Variants in PCDHGB1 observed in about 807,000 individuals in gnomAD.
PCDHGB1 encodes protocadherin gamma subfamily B, 1, also known as protocadherin gamma-B1.
Under a neutral mutation model 56.6 loss-of-function variants are expected in PCDHGB1, and 34 were observed. The observed-to-expected ratio is 0.60, with a 90% CI of 0.46 to 0.80. The LOEUF (loss-of-function observed/expected upper bound fraction) is 0.80, where lower values mean the gene tolerates loss of function less well. Ranked by LOEUF, PCDHGB1 falls within the 30% of genes least tolerant of loss-of-function variation. The pLI is 0.00. For missense variants in PCDHGB1, 1,278 were observed against 1,204.6 expected (o/e 1.06, Z -0.90); for synonymous variants, 561 against 505.9 (o/e 1.11, Z -1.46).
intron 2 of PCDHGB1, among the ~76,000 whole-genome samples, chr5:141,501,026 G>A (rs1053442173): frequency 7.9e-5 from 12 of 151,608 alleles, no homozygotes; most frequent in Non-Finnish European, 1.5e-4. Flanking sequence ...GCGCCACCAC[G>A]CCCAGCTAAT....
At position 141,400,119 on chromosome 5, in the gene PCDHGB1, G is replaced by A. The variant is rs543287685; in HGVS notation, c.2409+47450G>A. ...TGCACTTGGTCTTTGCTGACAGCTTGCAGGAGGTGCTGCCGGATATCACTG... is the reference window on the plus strand; with the variant it reads ...TGCACTTGGTCTTTGCTGACAGCTTACAGGAGGTGCTGCCGGATATCACTG... On this transcript the variant is annotated intron_variant, in intron 1 of 3. Transcript: ENST00000523390. 3 of 1,614,076 alleles carry A rather than the reference G, an allele frequency of 1.9e-6. No individual in the cohort carries two copies. The Admixed American group carries it at 5.0e-5, about 27-fold the overall frequency.
chr5:141,383,721 T>C lies in PCDHGB1; in HGVS notation c.2409+31052T>C, dbSNP rs990608432. The C allele has an allele frequency of 6.2e-6, 10 of 1,613,892 alleles. No individual in the cohort carries two copies. The South Asian group carries it at 6.6e-5, about 11-fold the overall frequency. On this transcript the variant is annotated intron_variant, in intron 1 of 3. Coordinates refer to ENST00000523390, the MANE Select transcript of PCDHGB1 (RefSeq NM_018922.3). ...CTATCGACCTGGACGAGGGAGTCAA[T>C]GGGGAAGTGACATATTCTTTTCGGA...
intron 1 of PCDHGB1, chr5:141,362,021 C>T (rs1233254898): frequency 6.2e-7 from 1 of 1,607,220 alleles, no homozygotes; most frequent in South Asian, 1.1e-5. Flanking sequence ...GTGCGCACAG[C>T]GCGTGCCTTG....
intron 1 of PCDHGB1, 24 bp downstream of exon 1, chr5:141,352,693 AATTTTATAT>A (rs1481590052): frequency 3.9e-6 from 6 of 1,556,420 alleles, no homozygotes; most frequent in African/African-American, 2.7e-5. Context: ...AATCTAGTTA[AATTTTATAT>A]ATGGCGGCCG....
intron 1 of PCDHGB1, chr5:141,420,344 T>G (rs2096490860): frequency 2.2e-6 from 3 of 1,394,808 alleles, no homozygotes; most frequent in African/African-American, 1.5e-5. Flanking sequence ...TATAGTGGTA[T>G]TATTTTAAGA....
intron 1 of PCDHGB1, chr5:141,478,642 T>C (rs777741719): frequency 6.4e-7 from 1 of 1,552,350 alleles, no homozygotes; most frequent in Non-Finnish European, 8.7e-7. Context: ...GTGATGAAGA[T>C]GTTTTCCTGG....
intron 1 of PCDHGB1, among the ~76,000 whole-genome samples, chr5:141,438,629 TATATATAC>T (rs1474630940): frequency 0.043 from 2,039 of 47,824 alleles, 19 homozygotes; most frequent in South Asian, 0.061. Flanking sequence ...TATATATATA[TATATATAC>T]ACACACACAC....
At chr5:141,390,204 G>A in intron 1 of PCDHGB1, 1 of 1,614,036 alleles carries the variant, frequency 6.2e-7, no homozygotes, top group Non-Finnish European at 8.5e-7. Flanking sequence ...GTTGAGTTCA[G>A]GACAAGACAT....
At chr5:141,371,156 C>T in intron 1 of PCDHGB1, 1 of 1,614,020 alleles carries the variant, frequency 6.2e-7, no homozygotes, top group Non-Finnish European at 8.5e-7. Context: ...TTGCAGAGAA[C>T]CTGCCCGCTG....
intron 1 of PCDHGB1, chr5:141,374,317 T>C: frequency 1.2e-6 from 2 of 1,613,982 alleles, no homozygotes; most frequent in East Asian, 2.2e-5. Context: ...TCTCTCTGAA[T>C]CCGCGAAACG....
At chr5:141,364,412 T>C (rs1423662682) in intron 1 of PCDHGB1, 2 of 1,612,244 alleles carry the variant, frequency 1.2e-6, no homozygotes, top group East Asian at 2.2e-5. Context: ...CGAGCCAGGA[T>C]CCGGGCAGAT....
At chr5:141,374,731 T>G in intron 1 of PCDHGB1, 1 of 1,610,684 alleles carries the variant, frequency 6.2e-7, no homozygotes, top group Non-Finnish European at 8.5e-7. Flanking sequence ...CTGCCATGGA[T>G]GGCGGCGACC....
intron 1 of PCDHGB1, chr5:141,430,857 A>T: frequency 6.3e-7 from 1 of 1,591,434 alleles, no homozygotes; most frequent in Non-Finnish European, 8.5e-7. Flanking sequence ...CAGATACGCT[A>T]TTCAGTTCCG....
At chr5:141,416,406 T>A (rs2096021956) in intron 1 of PCDHGB1, 1 of 152,224 alleles carries the variant, frequency 6.6e-6, no homozygotes, top group Admixed American at 6.5e-5. Context: ...TTGTCTTTTT[T>A]GTTAAATTTT....
rs746514228 is a variant in PCDHGB1, at chr5:141,351,319, A to T, written c.1059A>T (p.Pro353=). Reference sequence around the variant, plus strand: ...TCATGTCCTTCTCTAACCAGATTCCAGAGGATTCAGACCTTGGAACTGTAA... The same window carrying T: ...TCATGTCCTTCTCTAACCAGATTCCTGAGGATTCAGACCTTGGAACTGTAA... ...VTFMSFSNQI[P]EDSDLGTVIA... is the part of the protein sequence containing the mutation. Residue 353 remains proline (P), a synonymous_variant, in exon 1 of 4, where the codon CCA becomes CCT. Coordinates refer to ENST00000523390, the MANE Select transcript of PCDHGB1 (RefSeq NM_018922.3). The T allele has an allele frequency of 1.9e-6, 3 of 1,613,904 alleles. No homozygotes were observed. In the East Asian group the frequency reaches 6.7e-5, roughly 36 times the overall value.
chr5:141,362,331 C>A, intron 1 of PCDHGB1: 1 of 1,614,076 alleles, frequency 6.2e-7, no homozygotes. Flanking sequence ...CTGGTCTCAG[C>A]TCCAAGCCTG....
intron 1 of PCDHGB1, chr5:141,392,926 A>G (rs1180746876): frequency 9.3e-6 from 15 of 1,613,946 alleles, no homozygotes; most frequent in Non-Finnish European, 1.3e-5. Context: ...GTGCCAGAAG[A>G]GACGGACAAA....
chr5:141,397,809 A>G lies in PCDHGB1; in HGVS notation c.2409+45140A>G, dbSNP rs116170608. Among the ~76,000 whole-genome samples, 1,507 of 152,354 alleles carry G rather than the reference A, an allele frequency of 9.9e-3. 33 individuals carry two copies. Among genetic ancestry groups the G allele is most frequent in the African/African-American group, 0.034 (1,415 of 41,586 alleles). ...ACTTGGCTTGTTAAGTTAGGCACACAAAAACAATTACTGCACTGGTTAACT... is the reference window on the plus strand; with the variant it reads ...ACTTGGCTTGTTAAGTTAGGCACACGAAAACAATTACTGCACTGGTTAACT... On this transcript the variant is annotated intron_variant, in intron 1 of 3. Coordinates refer to ENST00000523390, the MANE Select transcript of PCDHGB1 (RefSeq NM_018922.3).
At chr5:141,412,934 G>A (rs1232539262) in intron 1 of PCDHGB1, 1 of 453,932 alleles carries the variant, frequency 2.2e-6, no homozygotes, top group African/African-American at 2.0e-5. Context: ...TAACTTCTTA[G>A]GACTCTGAGC....
Sources: allele counts gnomAD v4.1 joint callset (sites outside exome capture counted in the v4.1 genomes callset), GRCh38; gene constraint gnomAD v4.1.1; transcripts MANE v1.5; gene names NCBI Gene and HGNC (gene_info 2026-07-23, HGNC 2026-07-21).